ZMAT4: variants seen among roughly 807,000 people sequenced by gnomAD.
ZMAT4 encodes the protein zinc finger matrin-type protein 4.
Under a neutral mutation model 28.7 loss-of-function variants are expected in ZMAT4, and 17 were observed. The ratio of observed to expected loss-of-function variants is 0.59; its 90% CI spans 0.41 to 0.89. The LOEUF (loss-of-function observed/expected upper bound fraction) is 0.89. Ranked by LOEUF, ZMAT4 falls within the 40% of genes least tolerant of loss-of-function variation. The probability of loss-of-function intolerance (pLI) is 0.00; values close to 1 mark genes in which losing one functional copy is unlikely to be tolerated. For synonymous variants in ZMAT4, 117 were observed against 109.2 expected (o/e 1.07, Z -0.44); for missense variants, 240 against 283.8 (o/e 0.85, Z 1.11).
intron 6 of ZMAT4, among the ~76,000 whole-genome samples, chr8:40,567,700 CAA>C (rs576543188): frequency 2.2e-4 from 23 of 105,104 alleles, no homozygotes; most frequent in Admixed American, 4.1e-4. Context: ...AAGACTGTCT[CAA>C]AAAAAAAAAA....
intron 5 of ZMAT4, among the ~76,000 whole-genome samples, chr8:40,586,013 G>A (rs1035797085): frequency 2.0e-5 from 3 of 152,138 alleles, no homozygotes; most frequent in African/African-American, 4.8e-5. Flanking sequence ...CAGTTCTCAC[G>A]CTCTGCAGCC....
chr8:40,532,467 G>A (rs948986960), intron 6 of ZMAT4, among the ~76,000 whole-genome samples: 2 of 152,146 alleles, frequency 1.3e-5, no homozygotes, highest in Non-Finnish European at 2.9e-5. Flanking sequence ...AAAATGTATA[G>A]CTCTACATTG....
chr8:40,709,040 G>T (rs893479321), intron 3 of ZMAT4, among the ~76,000 whole-genome samples: 7 of 152,104 alleles, frequency 4.6e-5, no homozygotes, highest in South Asian at 2.1e-4. Context: ...ATGGGGAATT[G>T]GTTCCAGGAC....
chr8:40,752,877 TTC>T (rs1447099966), intron 3 of ZMAT4, among the ~76,000 whole-genome samples: 2 of 152,042 alleles, frequency 1.3e-5, no homozygotes, highest in Non-Finnish European at 2.9e-5. Context: ...GGCTGTCTTC[TTC>T]TTTTTTTTTA....
At chr8:40,559,002 T>A (rs1803641290) in intron 6 of ZMAT4, among the ~76,000 whole-genome samples, 1 of 152,154 alleles carries the variant, frequency 6.6e-6, no homozygotes, top group Non-Finnish European at 1.5e-5. Flanking sequence ...ACCCCTGCAC[T>A]TAAAGAATAA....
chr8:40,685,023 G>T (rs968559135), intron 4 of ZMAT4, among the ~76,000 whole-genome samples: 6 of 152,058 alleles, frequency 3.9e-5, no homozygotes, highest in Non-Finnish European at 8.8e-5. Context: ...AATTGGCTGC[G>T]TTTTGTATTT....
At chr8:40,871,808 C>A (rs1817868012) in intron 1 of ZMAT4, among the ~76,000 whole-genome samples, 1 of 152,224 alleles carries the variant, frequency 6.6e-6, no homozygotes, top group Non-Finnish European at 1.5e-5. Flanking sequence ...GGCTCATTCC[C>A]TCATGCTCTT....
At chr8:40,734,212 A>G (rs2150528758) in intron 3 of ZMAT4, among the ~76,000 whole-genome samples, 1 of 152,244 alleles carries the variant, frequency 6.6e-6, no homozygotes, top group South Asian at 2.1e-4. Flanking sequence ...CTTACGAAAT[A>G]TTGCTCTCCA....
intron 2 of ZMAT4, among the ~76,000 whole-genome samples, chr8:40,784,114 C>T (rs556527177): frequency 1.8e-4 from 27 of 152,286 alleles, no homozygotes; most frequent in African/African-American, 6.3e-4. Flanking sequence ...TTTAGAGGTT[C>T]AAATGCCCAG....
chr8:40,546,349 C>T (rs1055662861), intron 6 of ZMAT4, among the ~76,000 whole-genome samples: 1 of 150,572 alleles, frequency 6.6e-6, no homozygotes, highest in Non-Finnish European at 1.5e-5. Context: ...CCTTACATAA[C>T]TCTAGGTTCT....
intron 5 of ZMAT4, among the ~76,000 whole-genome samples, chr8:40,631,970 A>G (rs1428875860): frequency 6.6e-6 from 1 of 152,254 alleles, no homozygotes; most frequent in African/African-American, 2.4e-5. Flanking sequence ...CCTATGCATA[A>G]GAGCTAAGTG....
chr8:40,716,637 A>G (rs961107169), intron 3 of ZMAT4, among the ~76,000 whole-genome samples: 1 of 152,208 alleles, frequency 6.6e-6, no homozygotes, highest in African/African-American at 2.4e-5. Context: ...GGTTGTGGTG[A>G]ACTGAGATCG....
chr8:40,549,358 C>T (rs1255977381), intron 6 of ZMAT4, among the ~76,000 whole-genome samples: 1 of 152,158 alleles, frequency 6.6e-6, no homozygotes, highest in Admixed American at 6.5e-5. Context: ...GTGCTAAAAA[C>T]AGCTCCTGAG....
intron 6 of ZMAT4, among the ~76,000 whole-genome samples, chr8:40,558,802 A>G (rs1007309159): frequency 2.0e-5 from 3 of 151,958 alleles, no homozygotes; most frequent in African/African-American, 7.2e-5. Context: ...GATCCCAGCC[A>G]CGACAGGATG....
chr8:40,563,725 C>A (rs2118479244), intron 6 of ZMAT4, among the ~76,000 whole-genome samples: 1 of 152,240 alleles, frequency 6.6e-6, no homozygotes, highest in Non-Finnish European at 1.5e-5. Flanking sequence ...CTCTCTCCAC[C>A]TCCAACTCTC....
intron 5 of ZMAT4, among the ~76,000 whole-genome samples, chr8:40,664,099 G>C (rs2118864817): frequency 6.6e-6 from 1 of 152,248 alleles, no homozygotes; most frequent in Admixed American, 6.5e-5. Context: ...ACTTCTATCA[G>C]CAACACCTTG....
chr8:40,779,702 A>G (rs1335823169), intron 2 of ZMAT4, among the ~76,000 whole-genome samples: 2 of 152,114 alleles, frequency 1.3e-5, no homozygotes, highest in African/African-American at 2.4e-5. Flanking sequence ...TTCCTAGGAA[A>G]ATGGATTTTT....
chr8:40,621,038 T>C (rs1040033730), intron 5 of ZMAT4, among the ~76,000 whole-genome samples: 3 of 152,250 alleles, frequency 2.0e-5, no homozygotes, highest in African/African-American at 7.2e-5. Flanking sequence ...TGAGTTGCTT[T>C]ATTAGAGAAG....
intron 1 of ZMAT4, among the ~76,000 whole-genome samples, chr8:40,853,729 T>C (rs1817198579): frequency 6.6e-6 from 1 of 152,158 alleles, no homozygotes; most frequent in African/African-American, 2.4e-5. Context: ...GCACCCAGTT[T>C]CACCCATTTT....
Sources: allele counts gnomAD v4.1 joint callset (sites outside exome capture counted in the v4.1 genomes callset), GRCh38; gene constraint gnomAD v4.1.1; transcripts MANE v1.5; gene names NCBI Gene and HGNC (gene_info 2026-07-23, HGNC 2026-07-21).